SPAG16: variants seen among roughly 807,000 people sequenced by gnomAD.
SPAG16 encodes sperm associated antigen 16.
Under a neutral mutation model 80.4 loss-of-function variants are expected in SPAG16, and 86 were observed. The observed-to-expected ratio is 1.07, with a 90% CI of 0.90 to 1.28. The LOEUF (loss-of-function observed/expected upper bound fraction) is 1.28, where lower values mean the gene tolerates loss of function less well. SPAG16 is among the 50% of genes most tolerant of loss of function. The probability of loss-of-function intolerance (pLI) is 0.00; values close to 1 mark genes in which losing one functional copy is unlikely to be tolerated. For synonymous variants in SPAG16, 294 were observed against 265.9 expected (o/e 1.11, Z -1.03); for missense variants, 870 against 765.3 (o/e 1.14, Z -1.61).
At chr2:214,348,117 G>A (rs987845429) in intron 15 of SPAG16, among the ~76,000 whole-genome samples, 4 of 152,118 alleles carry the variant, frequency 2.6e-5, no homozygotes, top group Admixed American at 6.6e-5. Flanking sequence ...CATTGTATAC[G>A]GGTTGTGTGG....
chr2:214,172,393 A>G lies in SPAG16; in HGVS notation c.1720+23127A>G, dbSNP rs1336730346. 5.3e-5 allele frequency among the ~76,000 whole-genome samples: 8 copies of G among 152,002 alleles called. No homozygotes were observed. In the South Asian group the frequency reaches 1.2e-3, roughly 24 times the overall value. On this transcript the variant is annotated intron_variant, in intron 15 of 15. Coordinates refer to ENST00000331683, the MANE Select transcript of SPAG16 (RefSeq NM_024532.5). ...AGTTTACTGAGAATGATGATTTCCA[A>G]TTTCATCCATGTCCCTACAAAGGAC...
At chr2:213,629,711 C>CT (rs2062076773) in intron 10 of SPAG16, among the ~76,000 whole-genome samples, 2 of 152,166 alleles carry the variant, frequency 1.3e-5, no homozygotes, top group African/African-American at 4.8e-5. Flanking sequence ...ATGAAAGCTA[C>CT]TTTTTTCCAG....
chr2:214,293,233 A>C (rs1464378512), intron 15 of SPAG16, among the ~76,000 whole-genome samples: 1 of 152,180 alleles, frequency 6.6e-6, no homozygotes, highest in Non-Finnish European at 1.5e-5. Context: ...GCATAATGGC[A>C]TAAGCAGTGG....
intron 10 of SPAG16, among the ~76,000 whole-genome samples, chr2:213,726,678 T>A (rs2066782670): frequency 6.6e-6 from 1 of 152,190 alleles, no homozygotes; most frequent in African/African-American, 2.4e-5. Flanking sequence ...AGAGCTAGAA[T>A]AACAAAAACA....
intron 5 of SPAG16, among the ~76,000 whole-genome samples, chr2:213,326,958 A>G (rs1217254650): frequency 1.3e-5 from 2 of 152,008 alleles, no homozygotes; most frequent in Admixed American, 1.3e-4. Flanking sequence ...GTTCGATAAG[A>G]ATATCTGTAC....
intron 11 of SPAG16, among the ~76,000 whole-genome samples, chr2:213,870,613 T>A (rs1475106123): frequency 6.6e-6 from 1 of 152,172 alleles, no homozygotes; most frequent in Admixed American, 6.5e-5. Context: ...GATGGTAATA[T>A]ATATCAAAAG....
intron 3 of SPAG16, among the ~76,000 whole-genome samples, chr2:213,301,217 C>A (rs73987915): frequency 0.013 from 1,986 of 150,090 alleles, 41 homozygotes; most frequent in African/African-American, 0.044. Context: ...ATTGAATTCC[C>A]ATTCTCTCCA....
intron 10 of SPAG16, among the ~76,000 whole-genome samples, chr2:213,572,087 A>G (rs1237471094): frequency 8.5e-6 from 1 of 117,190 alleles, no homozygotes; most frequent in Non-Finnish European, 1.6e-5. Flanking sequence ...TTTCAGCTCC[A>G]TCAGCTCCTT....
At chr2:213,347,255 G>C (rs1040491050) in intron 6 of SPAG16, among the ~76,000 whole-genome samples, 18 of 151,996 alleles carry the variant, frequency 1.2e-4, no homozygotes, top group African/African-American at 3.9e-4. Context: ...TTTTTATTGT[G>C]TCTATTTGAT....
intron 10 of SPAG16, among the ~76,000 whole-genome samples, chr2:213,506,764 T>C (rs2074986907): frequency 6.6e-6 from 1 of 152,198 alleles, no homozygotes; most frequent in Non-Finnish European, 1.5e-5. Flanking sequence ...TTGGATTAAT[T>C]AATTAAAAAG....
At chr2:214,100,952 A>T (rs2125368489) in intron 13 of SPAG16, among the ~76,000 whole-genome samples, 1 of 152,178 alleles carries the variant, frequency 6.6e-6, no homozygotes, top group Non-Finnish European at 1.5e-5. Flanking sequence ...TTGTCTTAAA[A>T]TTTTTTCAAA....
At chr2:213,842,889 C>G (rs2074431127) in intron 10 of SPAG16, among the ~76,000 whole-genome samples, 1 of 152,160 alleles carries the variant, frequency 6.6e-6, no homozygotes, top group African/African-American at 2.4e-5. Flanking sequence ...CCTCAGTCTC[C>G]TGAGTGGCTA....
In SPAG16 at chr2:214,121,452, A is replaced by G. The variant is rs182677307; in HGVS notation, c.1593+13191A>G. Among the ~76,000 whole-genome samples, 390 of 151,878 alleles carry G rather than the reference A, an allele frequency of 2.6e-3. 1 individual carries two copies. The highest frequency in any genetic ancestry group is 8.8e-3 in the African/African-American group (367 of 41,518). On this transcript the variant is annotated intron_variant, in intron 14 of 15. Coordinates refer to ENST00000331683, the MANE Select transcript of SPAG16 (RefSeq NM_024532.5). ...TGTACAATTGTCCAATTTCAGTTAT[A>G]TTTTTCTCCTATTGGTACTTTTCGG... is the stretch of plus-strand genomic sequence containing the variant.
At chr2:213,680,384 G>A (rs1168494056) in intron 10 of SPAG16, among the ~76,000 whole-genome samples, 1 of 151,100 alleles carries the variant, frequency 6.6e-6, no homozygotes, top group East Asian at 1.9e-4. Context: ...AACTCAAAAT[G>A]ACTCCTGTGT....
intron 13 of SPAG16, among the ~76,000 whole-genome samples, chr2:214,101,714 A>G (rs2125374079): frequency 6.6e-6 from 1 of 152,078 alleles, no homozygotes; most frequent in Admixed American, 6.6e-5. Flanking sequence ...AAGTGTCATG[A>G]CTCTGCCACT....
At chr2:213,833,347 T>TA (rs2073781975) in intron 10 of SPAG16, among the ~76,000 whole-genome samples, 1 of 136,632 alleles carries the variant, frequency 7.3e-6, no homozygotes, top group African/African-American at 2.8e-5. Flanking sequence ...AACCCTGGTA[T>TA]AACCATATTT....
chr2:214,031,992 CAG>C (rs2048438497), intron 13 of SPAG16, among the ~76,000 whole-genome samples: 1 of 152,228 alleles, frequency 6.6e-6, no homozygotes, highest in African/African-American at 2.4e-5. Flanking sequence ...GGTGAGGACA[CAG>C]AGACAAATCA....
chr2:213,382,692 C>A (rs2067231665), intron 9 of SPAG16, among the ~76,000 whole-genome samples: 1 of 152,172 alleles, frequency 6.6e-6, no homozygotes, highest in African/African-American at 2.4e-5. Context: ...ATGTTCCAGG[C>A]TTCAGAATTT....
intron 13 of SPAG16, among the ~76,000 whole-genome samples, chr2:214,018,216 C>A (rs912244863): frequency 5.3e-5 from 8 of 151,978 alleles, no homozygotes; most frequent in Admixed American, 5.2e-4. Flanking sequence ...TTGCATTAGG[C>A]AACTGTGGCG....
Sources: gnomAD v4.1 joint callset for allele counts (sites outside exome capture counted in the v4.1 genomes callset) on GRCh38, gnomAD v4.1.1 for gene constraint, MANE v1.5 for transcripts, NCBI Gene and HGNC (gene_info 2026-07-23, HGNC 2026-07-21) for gene names.